The following LRRC4C variants were observed in gnomAD, a reference collection of about 807,000 sequenced individuals.
LRRC4C encodes the protein leucine-rich repeat-containing protein 4C.
LRRC4C carries 5 observed loss-of-function variants against 33.6 expected under a neutral mutation model. That is an observed-to-expected ratio of 0.15 (90% confidence interval 0.08 to 0.31). The LOEUF (loss-of-function observed/expected upper bound fraction) is 0.31. LRRC4C is among the 10% of genes least tolerant of loss of function. The probability of loss-of-function intolerance (pLI) is 1.00; values close to 1 mark genes in which losing one functional copy is unlikely to be tolerated. For missense variants in LRRC4C, 560 were observed against 796.7 expected (o/e 0.70, Z 3.58); for synonymous variants, 329 against 302.0 (o/e 1.09, Z -0.93).
intron 1 of LRRC4C, among the ~76,000 whole-genome samples, chr11:40,980,688 C>T (rs1852454634): frequency 6.6e-6 from 1 of 152,156 alleles, no homozygotes; most frequent in South Asian, 2.1e-4. Context: ...AACTAAGAAC[C>T]TTCTCTTTCG....
intron 1 of LRRC4C, among the ~76,000 whole-genome samples, chr11:41,299,321 A>G (rs1020297096): frequency 4.6e-5 from 7 of 152,146 alleles, no homozygotes; most frequent in African/African-American, 1.7e-4. Flanking sequence ...ACTTTCTTAT[A>G]ATTGTAAACA....
At position 40,574,059 on chromosome 11, in the gene LRRC4C, T is replaced by G. The variant is rs1307604259; in HGVS notation, c.-270+74083A>C. Among the ~76,000 whole-genome samples the G allele has an allele frequency of 2.0e-5, 3 of 152,354 alleles. No individual in the cohort carries two copies. The East Asian group carries it at 5.8e-4, about 29-fold the overall frequency. On this transcript the variant is annotated intron_variant, in intron 3 of 6. Coordinates refer to ENST00000528697, the MANE Select transcript of LRRC4C (RefSeq NM_001258419.2). ...CAGCAATTGTCACAGTTAAAGAGTG[T>G]GAGATAGTATATGTATGATATTAAA... is the stretch of plus-strand genomic sequence containing the variant.
At chr11:40,596,920 C>A (rs1021133598) in intron 3 of LRRC4C, among the ~76,000 whole-genome samples, 3 of 152,108 alleles carry the variant, frequency 2.0e-5, no homozygotes, top group South Asian at 2.1e-4. Context: ...TACATATACC[C>A]ATGGAATATT....
intron 1 of LRRC4C, among the ~76,000 whole-genome samples, chr11:41,314,639 G>A (rs1235633763): frequency 6.6e-6 from 1 of 152,100 alleles, no homozygotes; most frequent in East Asian, 1.9e-4. Flanking sequence ...TCACACACCA[G>A]GGCCTGTCAG....
chr11:41,379,944 C>T (rs1953081041), intron 1 of LRRC4C, among the ~76,000 whole-genome samples: 1 of 151,960 alleles, frequency 6.6e-6, no homozygotes, highest in Non-Finnish European at 1.5e-5. Flanking sequence ...ACAGTGCTCC[C>T]TACTTCATCA....
chr11:41,125,851 T>C (rs1344252455), intron 1 of LRRC4C, among the ~76,000 whole-genome samples: 4 of 152,162 alleles, frequency 2.6e-5, no homozygotes, highest in Non-Finnish European at 5.9e-5. Context: ...GACCATTACA[T>C]ACAGTAACTT....
intron 2 of LRRC4C, among the ~76,000 whole-genome samples, chr11:40,682,083 A>G (rs1591452521): frequency 6.6e-6 from 1 of 152,122 alleles, no homozygotes; most frequent in African/African-American, 2.4e-5. Context: ...CTGCACCCCA[A>G]TTACTTACAG....
intron 3 of LRRC4C, among the ~76,000 whole-genome samples, chr11:40,630,792 A>C (rs1963421272): frequency 6.6e-6 from 1 of 152,134 alleles, no homozygotes; most frequent in African/African-American, 2.4e-5. Flanking sequence ...ATAATGACCA[A>C]GGCATTAGTA....
chr11:41,065,999 C>T (rs1311512636), intron 1 of LRRC4C, among the ~76,000 whole-genome samples: 2 of 152,096 alleles, frequency 1.3e-5, no homozygotes, highest in Non-Finnish European at 1.5e-5. Flanking sequence ...AGCCAGAATG[C>T]CTTTTCTCTC....
intron 2 of LRRC4C, among the ~76,000 whole-genome samples, chr11:40,805,486 A>C (rs757046593): frequency 6.6e-6 from 1 of 152,250 alleles, no homozygotes; most frequent in Non-Finnish European, 1.5e-5. Flanking sequence ...AACATATCTT[A>C]ATACTCTATT....
chr11:40,466,812 A>G (rs1439093909), intron 3 of LRRC4C, among the ~76,000 whole-genome samples: 1 of 152,068 alleles, frequency 6.6e-6, no homozygotes, highest in African/African-American at 2.4e-5. Flanking sequence ...AGTAATTTTT[A>G]TTATGTATCA....
chr11:41,245,787 G>A lies in LRRC4C; in HGVS notation c.-496+213644C>T, dbSNP rs574760497. Among the ~76,000 whole-genome samples, 330 of 152,320 alleles carry A rather than the reference G, an allele frequency of 2.2e-3. 1 individual carries two copies. Among genetic ancestry groups the A allele is most frequent in the Non-Finnish European group, 2.7e-3 (185 of 68,030 alleles). On this transcript the variant is annotated intron_variant, in intron 1 of 6. Coordinates refer to ENST00000528697, the MANE Select transcript of LRRC4C (RefSeq NM_001258419.2). ...AGAATGAGGTACGCGGACAAGTGGA[G>A]GGTGGAGGGTGAGCAAGGTGAAGAG...
intron 1 of LRRC4C, among the ~76,000 whole-genome samples, chr11:41,216,591 G>A (rs955399272): frequency 6.6e-6 from 1 of 152,090 alleles, no homozygotes; most frequent in East Asian, 1.9e-4. Context: ...TGGTAAAGAC[G>A]ATGCCTTCCT....
chr11:40,301,877 G>T (rs187227144), intron 4 of LRRC4C, among the ~76,000 whole-genome samples: 100 of 152,238 alleles, frequency 6.6e-4, no homozygotes, highest in Middle Eastern at 6.8e-3. Context: ...AGACAAAAAT[G>T]ACTCTCTAAG....
At chr11:40,572,723 T>A (rs1958032230) in intron 3 of LRRC4C, among the ~76,000 whole-genome samples, 1 of 152,184 alleles carries the variant, frequency 6.6e-6, no homozygotes, top group Non-Finnish European at 1.5e-5. Context: ...GTCCTAGAAC[T>A]GGAACCACCA....
Position 40,413,813 on chromosome 11 carries a change from C to T in LRRC4C, c.-269-94092G>A, listed in dbSNP as rs185146757. Among the ~76,000 whole-genome samples the T allele has an allele frequency of 1.3e-4, 20 of 152,180 alleles. 1 individual carries two copies. The East Asian group carries it at 3.5e-3, about 26-fold the overall frequency. The stretch of plus-strand genomic sequence containing the variant: ...TCCCAGGATCAGAAATTATGTTCGT[C>T]TTCTTTATCATGAAACTCTTGATAT... On this transcript the variant is annotated intron_variant, in intron 3 of 6. Transcript: ENST00000528697.
At chr11:41,192,322 A>ATGTG (rs112844436) in intron 1 of LRRC4C, among the ~76,000 whole-genome samples, 16,381 of 146,102 alleles carry the variant, frequency 0.11, 1,161 homozygotes, top group Admixed American at 0.27. Context: ...CATGAATTAA[A>ATGTG]TGTGTGTGTG....
chr11:41,280,782 A>C (rs879526075), intron 1 of LRRC4C, among the ~76,000 whole-genome samples: 5 of 152,194 alleles, frequency 3.3e-5, no homozygotes, highest in Non-Finnish European at 7.3e-5. Context: ...GAACTTGAGC[A>C]TGAGAAAAAT....
At chr11:41,448,248 G>A (rs1415248184) in intron 1 of LRRC4C, among the ~76,000 whole-genome samples, 6 of 145,696 alleles carry the variant, frequency 4.1e-5, no homozygotes, top group Non-Finnish European at 9.0e-5. Context: ...TATATGTGGT[G>A]TCATTAATAA....
Sources: gnomAD v4.1 joint callset for allele counts (sites outside exome capture counted in the v4.1 genomes callset) on GRCh38, gnomAD v4.1.1 for gene constraint, MANE v1.5 for transcripts, NCBI Gene and HGNC (gene_info 2026-07-23, HGNC 2026-07-21) for gene names.